MAF: variants seen among roughly 807,000 people sequenced by gnomAD.
The protein encoded by MAF is transcription factor Maf.
A neutral mutation model predicts 22.0 loss-of-function variants in MAF; 10 were observed. The ratio of observed to expected loss-of-function variants is 0.45; its 90% CI spans 0.28 to 0.77. The LOEUF is 0.77. Ranked by LOEUF, MAF falls within the 30% of genes least tolerant of loss-of-function variation. MAF has a pLI of 0.12. For synonymous variants in MAF, 337 were observed against 255.8 expected, an observed-to-expected ratio of 1.32 and a Z score of -3.03; for missense variants, 544 against 548.4, an observed-to-expected ratio of 0.99 and a Z score of 0.08.
At chr16:79,232,642 A>T in the MAF span, among the ~76,000 whole-genome samples, 2 of 151,904 alleles carry the variant, frequency 1.3e-5, no homozygotes, top group Non-Finnish European at 2.9e-5. Flanking sequence ...GTTTGGTTAG[A>T]AGTTAAATCA....
intron 1 of MAF, chr16:79,598,532 T>G: frequency 1.5e-6 from 2 of 1,373,390 alleles, no homozygotes; most frequent in Non-Finnish European, 1.9e-6. Flanking sequence ...ACCCATTCCC[T>G]CCCCAGTTTA....
chr16:79,456,966 A>C, the MAF span, among the ~76,000 whole-genome samples: 1 of 151,770 alleles, frequency 6.6e-6, no homozygotes. Context: ...ACACCCTTGG[A>C]GCCTATGTAT....
At chr16:79,502,696 AATATAAATATAAATATATATATAT>A in the MAF span, among the ~76,000 whole-genome samples, 37 of 19,246 alleles carry the variant, frequency 1.9e-3, 1 homozygote, top group East Asian at 3.4e-3. Context: ...TATAAATATA[AATATAAATATAAATATATATATAT>A]ATATATATAT....
chr16:79,505,155 G>C, the MAF span, among the ~76,000 whole-genome samples: 1 of 152,122 alleles, frequency 6.6e-6, no homozygotes, highest in Non-Finnish European at 1.5e-5. Flanking sequence ...TTCCAAGTAG[G>C]AGGAAAACAG....
At chr16:79,304,399 T>C in the MAF span, among the ~76,000 whole-genome samples, 3 of 152,322 alleles carry the variant, frequency 2.0e-5, no homozygotes, top group African/African-American at 7.2e-5. Flanking sequence ...AGAAAGGAAA[T>C]GTGGACTCTG....
At chr16:79,493,479 C>T in the MAF span, among the ~76,000 whole-genome samples, 1 of 152,138 alleles carries the variant, frequency 6.6e-6, no homozygotes, top group Non-Finnish European at 1.5e-5. Context: ...CGCACCTGGC[C>T]TCTTTTTGTA....
At chr16:79,427,768 G>C in the MAF span, among the ~76,000 whole-genome samples, 7 of 152,184 alleles carry the variant, frequency 4.6e-5, no homozygotes, top group South Asian at 1.5e-3. Flanking sequence ...ATTACACCTA[G>C]TTGTAATTGC....
chr16:79,360,293 A>C, the MAF span, among the ~76,000 whole-genome samples: 31 of 152,078 alleles, frequency 2.0e-4, no homozygotes, highest in Admixed American at 6.5e-5. Flanking sequence ...CTCCTGGGGA[A>C]TCTCACCTGG....
At chr16:79,566,506 C>G in the MAF span, among the ~76,000 whole-genome samples, 1 of 152,192 alleles carries the variant, frequency 6.6e-6, no homozygotes, top group Non-Finnish European at 1.5e-5. Context: ...GCCCACCTTT[C>G]AGTGCTAACC....
At chr16:79,298,625 A>T in the MAF span, among the ~76,000 whole-genome samples, 2 of 152,236 alleles carry the variant, frequency 1.3e-5, no homozygotes, top group East Asian at 3.8e-4. Flanking sequence ...AGAAGCCAGC[A>T]TGCAAAGACC....
At chr16:79,323,814 G>A in the MAF span, among the ~76,000 whole-genome samples, 2 of 152,182 alleles carry the variant, frequency 1.3e-5, no homozygotes, top group African/African-American at 4.8e-5. Flanking sequence ...CCCAGGGGAA[G>A]GAATTTTTAG....
chr16:79,583,635 C>T (rs1278706905), downstream of MAF, among the ~76,000 whole-genome samples: 1 of 152,254 alleles, frequency 6.6e-6, no homozygotes, highest in Non-Finnish European at 1.5e-5. Context: ...CAGCGCATAA[C>T]ATGCAAGAAC....
chr16:79,532,349 T>C, the MAF span, among the ~76,000 whole-genome samples: 6 of 152,114 alleles, frequency 3.9e-5, no homozygotes, highest in Non-Finnish European at 5.9e-5. Flanking sequence ...TTTATGCAAA[T>C]AAGAGAGTTG....
the MAF span, among the ~76,000 whole-genome samples, chr16:79,302,036 A>G: frequency 6.6e-6 from 1 of 152,194 alleles, no homozygotes; most frequent in Non-Finnish European, 1.5e-5. Context: ...GACCTAGGTC[A>G]TCCAGATGGA....
chr16:79,245,377 C>A, the MAF span, among the ~76,000 whole-genome samples: 1 of 151,804 alleles, frequency 6.6e-6, no homozygotes, highest in Non-Finnish European at 1.5e-5. Context: ...GAAAAAGTAA[C>A]CCCATCAAAA....
chr16:79,327,293 G>A, the MAF span, among the ~76,000 whole-genome samples: 8 of 152,290 alleles, frequency 5.3e-5, no homozygotes, highest in East Asian at 1.5e-3. Context: ...CTGACTTCTT[G>A]TACACATTCC....
the MAF span, among the ~76,000 whole-genome samples, chr16:79,241,616 T>C: frequency 1.3e-5 from 2 of 151,990 alleles, no homozygotes; most frequent in Non-Finnish European, 2.9e-5. Flanking sequence ...TGGAAAACAC[T>C]CTTCAGGATA....
At chr16:79,204,855 C>T in the MAF span, 1 of 152,218 alleles carries the variant, frequency 6.6e-6, no homozygotes, top group Non-Finnish European at 1.5e-5. Context: ...GGTCTCCAGG[C>T]TCGTTCCTGC....
the MAF span, among the ~76,000 whole-genome samples, chr16:79,548,449 C>CT: frequency 6.6e-6 from 1 of 152,102 alleles, no homozygotes; most frequent in Non-Finnish European, 1.5e-5. Context: ...GAAAAAACAG[C>CT]TTTATATGTG....
Sources: allele counts gnomAD v4.1 joint callset (sites outside exome capture counted in the v4.1 genomes callset), GRCh38; gene constraint gnomAD v4.1.1; transcripts MANE v1.5; gene names NCBI Gene and HGNC (gene_info 2026-07-23, HGNC 2026-07-21).